Variants in ROBO2 observed in about 807,000 individuals in gnomAD.
The protein encoded by ROBO2 is roundabout homolog 2.
Under a neutral mutation model 160.8 loss-of-function variants are expected in ROBO2, and 53 were observed. That is an observed-to-expected ratio of 0.33 (90% confidence interval 0.26 to 0.41). The LOEUF (loss-of-function observed/expected upper bound fraction) is 0.41. Among genes scored for constraint, ROBO2 ranks in the 10% least tolerant of loss-of-function variants. ROBO2 has a pLI of 1.00. For synonymous variants in ROBO2, 664 were observed against 611.7 expected, an observed-to-expected ratio of 1.09 and a Z score of -1.26; for missense variants, 1,577 against 1,722.4, an observed-to-expected ratio of 0.92 and a Z score of 1.49.
intron 2 of ROBO2, among the ~76,000 whole-genome samples, chr3:76,200,560 C>T (rs1175718401): frequency 2.0e-5 from 3 of 152,040 alleles, no homozygotes; most frequent in African/African-American, 2.4e-5. Flanking sequence ...TAGATTAATA[C>T]GTCCAGTATA....
chr3:76,369,182 A>C (rs913103853), intron 2 of ROBO2, among the ~76,000 whole-genome samples: 5 of 151,898 alleles, frequency 3.3e-5, no homozygotes, highest in African/African-American at 9.7e-5. Context: ...ACGGCTTTGT[A>C]ATTCTGAACA....
chr3:77,439,175 A>G lies in ROBO2; in HGVS notation c.389-38239A>G, dbSNP rs532093095. On this transcript the variant is annotated intron_variant, in intron 2 of 25. Transcript: ENST00000461745. Reference sequence around the variant, plus strand: ...TTAAATAGACTAGAACATTCTATTTACTATTATCCATTGTCCCTTAAATTA... The same window carrying G: ...TTAAATAGACTAGAACATTCTATTTGCTATTATCCATTGTCCCTTAAATTA... 4.6e-5 allele frequency among the ~76,000 whole-genome samples: 7 copies of G among 152,234 alleles called. No homozygotes were observed. In the South Asian group the frequency reaches 1.4e-3, roughly 32 times the overall value.
chr3:76,636,737 T>G (rs1209866000), intron 2 of ROBO2, among the ~76,000 whole-genome samples: 3 of 152,114 alleles, frequency 2.0e-5, no homozygotes, highest in Admixed American at 2.0e-4. Context: ...CAACCATAGC[T>G]CCCAGGACAT....
At position 77,331,090 on chromosome 3, in the gene ROBO2, A is replaced by G. The variant is rs147356864; in HGVS notation, c.389-146324A>G. Among the ~76,000 whole-genome samples the G allele has an allele frequency of 5.4e-3, 815 of 152,330 alleles. 6 individuals are homozygous for G. The highest frequency in any genetic ancestry group is 0.017 in the African/African-American group (713 of 41,578). ...AAAAGAGCCCTGAGGCATTAATCAT[A>G]CACATTCTCCAATCTAGATTTCAAA... On this transcript the variant is annotated intron_variant, in intron 2 of 25. Coordinates refer to ENST00000461745, the Ensembl canonical transcript of ROBO2.
chr3:76,769,498 A>G (rs758450775), intron 2 of ROBO2, among the ~76,000 whole-genome samples: 5 of 151,428 alleles, frequency 3.3e-5, no homozygotes, highest in Non-Finnish European at 5.9e-5. Flanking sequence ...AATATTATGT[A>G]GATTGTTTAT....
chr3:75,956,928 G>A (rs1281935574), intron 2 of ROBO2, among the ~76,000 whole-genome samples: 1 of 151,538 alleles, frequency 6.6e-6, no homozygotes, highest in Non-Finnish European at 1.5e-5. Context: ...TTTCATTGTT[G>A]CTTTTTCTGT....
intron 2 of ROBO2, among the ~76,000 whole-genome samples, chr3:76,097,318 A>C (rs989980946): frequency 3.9e-5 from 6 of 152,082 alleles, no homozygotes; most frequent in African/African-American, 1.4e-4. Flanking sequence ...ATAGCCTAGC[A>C]CCTGAACTTG....
intron 2 of ROBO2, among the ~76,000 whole-genome samples, chr3:77,292,917 A>C (rs1444060584): frequency 2.0e-5 from 3 of 151,264 alleles, no homozygotes; most frequent in African/African-American, 4.8e-5. Flanking sequence ...TAGATCACCA[A>C]AGACATAAAG....
chr3:76,165,496 A>G (rs2072802143), intron 2 of ROBO2, among the ~76,000 whole-genome samples: 1 of 152,162 alleles, frequency 6.6e-6, no homozygotes, highest in South Asian at 2.1e-4. Context: ...TATTAGCAAT[A>G]AGACTGCTTG....
At position 77,045,536 on chromosome 3, in the gene ROBO2, A is replaced by G. The variant is rs544937000; in HGVS notation, c.61+4690A>G. On this transcript the variant is annotated intron_variant, in intron 1 of 25. Coordinates refer to ENST00000461745, the Ensembl canonical transcript of ROBO2. ...TACTTGACGTCTTTGCTTCATGTCC[A>G]ATGAGAATGTACAAAACTCAAGCCT... is the stretch of plus-strand genomic sequence containing the variant. Among the ~76,000 whole-genome samples the G allele has an allele frequency of 5.3e-5, 8 of 152,294 alleles. No individual in the cohort carries two copies. The East Asian group carries it at 1.4e-3, about 26-fold the overall frequency.
chr3:76,968,176 A>G (rs1309070229), intron 2 of ROBO2, among the ~76,000 whole-genome samples: 4 of 152,228 alleles, frequency 2.6e-5, no homozygotes, highest in African/African-American at 9.6e-5. Context: ...AATAATTGAG[A>G]GGGAATCTAT....
chr3:76,342,078 T>C (rs1657570962), intron 2 of ROBO2, among the ~76,000 whole-genome samples: 3 of 152,104 alleles, frequency 2.0e-5, no homozygotes, highest in Admixed American at 2.0e-4. Context: ...TCTTTCCTGG[T>C]AGACAATCTA....
At chr3:76,888,326 G>C (rs548590320) in intron 2 of ROBO2, among the ~76,000 whole-genome samples, 34 of 152,188 alleles carry the variant, frequency 2.2e-4, no homozygotes, top group African/African-American at 8.0e-4. Context: ...CGAAATCACG[G>C]CCCTGCACTC....
At position 77,388,451 on chromosome 3, in the gene ROBO2, G is replaced by A. The variant is rs150405380; in HGVS notation, c.389-88963G>A. On this transcript the variant is annotated intron_variant, in intron 2 of 25. Transcript: ENST00000461745. ...AAACAAACAAATGAAAAACTATGTT[G>A]GGATCTTCCCTTTTGTTCTTCTCGC... Among the ~76,000 whole-genome samples, 119 of 152,076 alleles carry A rather than the reference G, an allele frequency of 7.8e-4. 1 individual carries two copies. The highest frequency in any genetic ancestry group is 2.7e-3 in the African/African-American group (110 of 41,492).
At chr3:76,313,349 T>C (rs2071734480) in intron 2 of ROBO2, among the ~76,000 whole-genome samples, 1 of 152,242 alleles carries the variant, frequency 6.6e-6, no homozygotes. Flanking sequence ...TGGTGGTGTG[T>C]TATCTTTCAG....
At chr3:76,181,782 T>C (rs1701515617) in intron 2 of ROBO2, among the ~76,000 whole-genome samples, 1 of 151,378 alleles carries the variant, frequency 6.6e-6, no homozygotes, top group South Asian at 2.1e-4. Context: ...ATGTTTGACC[T>C]TTTATGTCCT....
At chr3:76,252,756 TATACACACACAC>T (rs1192355232) in intron 2 of ROBO2, among the ~76,000 whole-genome samples, 10 of 137,900 alleles carry the variant, frequency 7.3e-5, no homozygotes, top group East Asian at 2.6e-4. Context: ...CATGTATATG[TATACACACACAC>T]ACACACACAC....
At chr3:76,841,415 T>C (rs1299687534) in intron 2 of ROBO2, among the ~76,000 whole-genome samples, 4 of 152,300 alleles carry the variant, frequency 2.6e-5, no homozygotes, top group Admixed American at 1.3e-4. Flanking sequence ...AGATAGAAGA[T>C]ACAGAATACT....
At chr3:76,946,583 G>T (rs1273531857) in intron 2 of ROBO2, among the ~76,000 whole-genome samples, 1 of 151,924 alleles carries the variant, frequency 6.6e-6, no homozygotes, top group Non-Finnish European at 1.5e-5. Context: ...GATTACAGGC[G>T]CCCACCACGG....
Sources: allele counts gnomAD v4.1 joint callset (sites outside exome capture counted in the v4.1 genomes callset), GRCh38; gene constraint gnomAD v4.1.1; transcripts MANE v1.5; gene names NCBI Gene and HGNC (gene_info 2026-07-23, HGNC 2026-07-21).